Variants in TFCP2L1 observed in about 807,000 individuals in gnomAD.
The protein encoded by TFCP2L1 is transcription factor CP2 like 1, also known as transcription factor CP2-like protein 1.
TFCP2L1 carries 12 observed loss-of-function variants against 72.2 expected under a neutral mutation model. The observed-to-expected ratio is 0.17, with a 90% CI of 0.11 to 0.27. The LOEUF is 0.27. Ranked by LOEUF, TFCP2L1 falls within the 10% of genes least tolerant of loss-of-function variation. The pLI, the probability that TFCP2L1 is intolerant of heterozygous loss-of-function variation, is 1.00. For synonymous variants in TFCP2L1, 260 were observed against 251.0 expected (o/e 1.04, Z -0.34); for missense variants, 488 against 624.6 (o/e 0.78, Z 2.33).
chr2:121,239,153 G>C (rs1005925426), intron 8 of TFCP2L1, among the ~76,000 whole-genome samples: 1 of 152,126 alleles, frequency 6.6e-6, no homozygotes, highest in East Asian at 1.9e-4. Context: ...CCAAGGCAGA[G>C]AGGACCCTAG....
Position 121,217,158 on chromosome 2 carries a change from G to A in TFCP2L1, c.*7183C>T, listed in dbSNP as rs1226047125. 1 of 152,306 alleles carries A rather than the reference G, an allele frequency of 6.6e-6. No homozygotes were observed. The highest frequency in any genetic ancestry group is 1.5e-5 in the Non-Finnish European group (1 of 68,072). The allele number at this position is 152,306 out of a possible 1,614,324, so 9.4% of individuals were successfully genotyped here. ...AACCTGGCTCGGGCCATCAGTAGCT[G>A]TGGGACCCTGGCCCCCATCTAACCT... On this transcript the variant is annotated 3_prime_UTR_variant, in exon 15 of 15. Coordinates refer to ENST00000263707, the MANE Select transcript of TFCP2L1 (RefSeq NM_014553.3).
intron 10 of TFCP2L1, among the ~76,000 whole-genome samples, chr2:121,236,837 G>C (rs1180096242): frequency 1.3e-5 from 2 of 152,130 alleles, no homozygotes; most frequent in Non-Finnish European, 2.9e-5. Flanking sequence ...ACCCAGTCCA[G>C]TGCAGGGTCC....
intron 2 of TFCP2L1, among the ~76,000 whole-genome samples, chr2:121,270,985 T>G (rs1449068893): frequency 6.6e-6 from 1 of 150,572 alleles, no homozygotes; most frequent in African/African-American, 2.4e-5. Flanking sequence ...AAGTCAGGAG[T>G]TCGAAACCAC....
At chr2:121,281,074 C>G (rs764461492) in intron 2 of TFCP2L1, 46 bp downstream of exon 2, 32 of 1,611,914 alleles carry the variant, frequency 2.0e-5, no homozygotes. Context: ...CATCAGCTCC[C>G]CACTACTTCT....
intron 2 of TFCP2L1, among the ~76,000 whole-genome samples, chr2:121,257,245 C>T (rs914804077): frequency 6.6e-6 from 1 of 152,130 alleles, no homozygotes. Flanking sequence ...CACCCACCCC[C>T]ACCTCAGGCT....
chr2:121,277,103 A>G (rs1687163295), intron 2 of TFCP2L1, among the ~76,000 whole-genome samples: 1 of 152,242 alleles, frequency 6.6e-6, no homozygotes, highest in Non-Finnish European at 1.5e-5. Context: ...CATAAAACAT[A>G]AACACCCCAA....
intron 1 of TFCP2L1, among the ~76,000 whole-genome samples, chr2:121,284,836 C>T (rs1195461860): frequency 1.3e-5 from 2 of 152,152 alleles, no homozygotes; most frequent in Non-Finnish European, 2.9e-5. Context: ...GCTCGCCTCC[C>T]CAGCGGGCCC....
intron 2 of TFCP2L1, among the ~76,000 whole-genome samples, chr2:121,279,646 T>C (rs1176802733): frequency 6.6e-6 from 1 of 152,254 alleles, no homozygotes; most frequent in African/African-American, 2.4e-5. Flanking sequence ...GAGAGCCTGA[T>C]GACCAAGTTG....
In TFCP2L1 at chr2:121,285,046, A is replaced by G; in HGVS notation, c.62+2T>C. On this transcript the variant is annotated splice_donor_variant, in intron 1 of 14. Transcript: ENST00000263707. LOFTEE classifies it high-confidence loss of function. Reference sequence around the variant, plus strand: ...CCCGCGGGGACCGCGCGCGGCCCTTACCGCAGGTAGCTGCCGGAGTTGTGC... The same window carrying G: ...CCCGCGGGGACCGCGCGCGGCCCTTGCCGCAGGTAGCTGCCGGAGTTGTGC... 6.7e-7 allele frequency: 1 copy of G among 1,503,528 alleles called. No homozygotes were observed. The highest frequency in any genetic ancestry group is 2.3e-5 in the Admixed American group (1 of 43,434). The allele number at this position is 1,503,528 out of a possible 1,614,324, so 93.1% of individuals were successfully genotyped here.
intron 2 of TFCP2L1, among the ~76,000 whole-genome samples, chr2:121,257,274 G>A (rs1342239117): frequency 1.3e-5 from 2 of 151,794 alleles, no homozygotes; most frequent in Admixed American, 6.6e-5. Flanking sequence ...GCCCCCTCCT[G>A]CCTCCCCTAC....
At chr2:121,257,264 GC>G (rs1299078706) in intron 2 of TFCP2L1, among the ~76,000 whole-genome samples, 1 of 151,996 alleles carries the variant, frequency 6.6e-6, no homozygotes, top group Non-Finnish European at 1.5e-5. Flanking sequence ...CTGAGCTGAG[GC>G]CCCCTCCTGC....
chr2:121,253,377 T>C (rs1349254444), intron 2 of TFCP2L1, among the ~76,000 whole-genome samples: 5 of 152,252 alleles, frequency 3.3e-5, no homozygotes, highest in Non-Finnish European at 5.9e-5. Flanking sequence ...TCAACATGGC[T>C]GACTTTCTGA....
chr2:121,242,390 T>C lies in TFCP2L1; in HGVS notation c.737A>G (p.Gln246Arg), dbSNP rs1380907792. 3 of 1,614,074 alleles carry C rather than the reference T, an allele frequency of 1.9e-6. No individual in the cohort carries two copies. The highest frequency in any genetic ancestry group is 2.5e-6 in the Non-Finnish European group (3 of 1,180,044). The change falls in exon 7 of 15, where the codon CAG becomes CGG. Residue 246 changes from glutamine to arginine, a missense_variant. This residue lies in a region of TFCP2L1 where 286 missense variants were observed against 329.0 expected (regional missense o/e 0.87). Coordinates refer to ENST00000263707, the MANE Select transcript of TFCP2L1 (RefSeq NM_014553.3). Reference sequence around the variant, plus strand: ...GAGGATGGTGGTTTCATAGGACGGCTGGTATTTCTCCTTCTCTTGGGCAGT... The same window carrying C: ...GAGGATGGTGGTTTCATAGGACGGCCGGTATTTCTCCTTCTCTTGGGCAGT... ...KRTAQEKEKY[Q>R]PSYETTILTE...
At chr2:121,252,756 T>C (rs1439978226) in intron 2 of TFCP2L1, among the ~76,000 whole-genome samples, 1 of 152,208 alleles carries the variant, frequency 6.6e-6, no homozygotes, top group Non-Finnish European at 1.5e-5. Context: ...CGTGAGAGAA[T>C]CATTTTTTGT....
intron 2 of TFCP2L1, among the ~76,000 whole-genome samples, chr2:121,256,905 A>T (rs947022593): frequency 6.6e-6 from 1 of 152,060 alleles, no homozygotes; most frequent in Non-Finnish European, 1.5e-5. Context: ...AGGTTGTTGG[A>T]GGGTTGAAGG....
intron 6 of TFCP2L1, among the ~76,000 whole-genome samples, chr2:121,245,554 A>G (rs1385016426): frequency 6.6e-6 from 1 of 152,114 alleles, no homozygotes; most frequent in Non-Finnish European, 1.5e-5. Flanking sequence ...TCACTGACTA[A>G]CCAAGGCGTC....
Position 121,234,191 on chromosome 2 carries a change from A to C in TFCP2L1, c.1098T>G (p.Asn366Lys). 1 of 1,614,074 alleles carries C rather than the reference A, an allele frequency of 6.2e-7. No homozygotes were observed. Among genetic ancestry groups the C allele is most frequent in the Non-Finnish European group, 8.5e-7 (1 of 1,179,926 alleles). Reference sequence around the variant, plus strand: ...CATAAATGGTCATCTTTGGCCTCACATTCCTGGCAGGAGAAGAGAAAATAA... The same window carrying C: ...CATAAATGGTCATCTTTGGCCTCACCTTCCTGGCAGGAGAAGAGAAAATAA... ...IRLFNAIKGR[N>K]VRPKMTIYVC... Residue 366 changes from asparagine to lysine, a missense_variant, in exon 12 of 15, where the codon AAT (asparagine) becomes AAG (lysine). Physicochemically the swap from Asn to Lys is moderately conservative, Grantham distance 94. Around this residue, in one of 3 missense-constraint regions of TFCP2L1, gnomAD observed 286 missense variants for 329.0 expected, o/e 0.87. Coordinates refer to ENST00000263707, the MANE Select transcript of TFCP2L1 (RefSeq NM_014553.3).
At chr2:121,261,899 T>C (rs1686835227) in intron 2 of TFCP2L1, among the ~76,000 whole-genome samples, 1 of 152,194 alleles carries the variant, frequency 6.6e-6, no homozygotes, top group Non-Finnish European at 1.5e-5. Context: ...ATCAGCACCA[T>C]GATCCCCAAT....
chr2:121,255,785 C>T (rs1391253507), intron 2 of TFCP2L1, among the ~76,000 whole-genome samples: 2 of 151,962 alleles, frequency 1.3e-5, no homozygotes, highest in African/African-American at 4.8e-5. Context: ...CTCTGTCGCC[C>T]AGGCTGGAGT....
Sources: allele counts gnomAD v4.1 joint callset (sites outside exome capture counted in the v4.1 genomes callset), GRCh38; gene constraint gnomAD v4.1.1; regional missense constraint gnomAD v4.1.1; transcripts MANE v1.5; gene names NCBI Gene and HGNC (gene_info 2026-07-23, HGNC 2026-07-21).